Variants in MYPN observed in about 807,000 individuals in gnomAD.
The protein encoded by MYPN is sarcomeric protein myopalladin, 145 kDa (MYOP).
In MYPN, 63 loss-of-function variants were observed where a neutral mutation model predicts 129.4. The observed-to-expected ratio is 0.49, with a 90% CI of 0.40 to 0.60. The LOEUF is 0.60. Among genes scored for constraint, MYPN ranks in the 20% least tolerant of loss-of-function variants. The probability of loss-of-function intolerance (pLI) is 0.00; values close to 1 mark genes in which losing one functional copy is unlikely to be tolerated. For synonymous variants in MYPN, 629 were observed against 600.9 expected (o/e 1.05, Z -0.68); for missense variants, 1,596 against 1,635.4 (o/e 0.98, Z 0.42).
At position 68,194,378 on chromosome 10, in the gene MYPN, G is replaced by T; in HGVS notation, c.2941G>T (p.Asp981Tyr). ...TTCATTTCAGGTTTACTGGTTCAAAGATGGGAAGCAGATTTCTAAGAGAAA... is the reference window on the plus strand; with the variant it reads ...TTCATTTCAGGTTTACTGGTTCAAATATGGGAAGCAGATTTCTAAGAGAAA... ...IPVPKVYWFK[D>Y]GKQISKRNEH... Residue 981 changes from aspartate (D) to tyrosine (Y), a missense_variant, in exon 14 of 20, where the codon GAT becomes TAT. By Grantham distance (160) the Asp-to-Tyr change is radical. Coordinates refer to ENST00000358913, the MANE Select transcript of MYPN (RefSeq NM_032578.4). 1 of 1,613,536 alleles carries T rather than the reference G, an allele frequency of 6.2e-7. No homozygotes were observed. The highest frequency in any genetic ancestry group is 8.5e-7 in the Non-Finnish European group (1 of 1,179,650).
At chr10:68,205,711 C>T (rs895616354) in intron 18 of MYPN, among the ~76,000 whole-genome samples, 1 of 151,820 alleles carries the variant, frequency 6.6e-6, no homozygotes, top group African/African-American at 2.4e-5. Context: ...GAATTTTTGT[C>T]CTGTTCATCT....
At position 68,201,883 on chromosome 10, in the gene MYPN, T is replaced by C. The variant is rs878855166; in HGVS notation, c.3548T>C (p.Val1183Ala). ...CTGGAGAAACTACAGAACTGCGGTG[T>C]TCCCGAAGGCCACCCCGTGAGACTG... ...VILEKLQNCGVPEGHPVRLEC... is the reference protein window; with the variant it reads ...VILEKLQNCGAPEGHPVRLEC... The change falls in exon 18 of 20, where the codon GTT (valine) becomes GCT (alanine). Residue 1183 changes from valine to alanine, a missense_variant. By Grantham distance (64) the Val-to-Ala change is moderately conservative. Coordinates refer to ENST00000358913, the MANE Select transcript of MYPN (RefSeq NM_032578.4). 7 of 1,614,042 alleles carry C rather than the reference T, an allele frequency of 4.3e-6. No homozygotes were observed. Among genetic ancestry groups the C allele is most frequent in the Non-Finnish European group, 5.9e-6 (7 of 1,180,014 alleles).
chr10:68,135,384 C>A, intron 2 of MYPN: 1 of 666,090 alleles, frequency 1.5e-6, no homozygotes, highest in Non-Finnish European at 1.9e-6. Context: ...ACAGGACATA[C>A]AAATTGTGTC....
At chr10:68,104,975 G>C (rs1589514039), upstream of MYPN, among the ~76,000 whole-genome samples, 1 of 152,148 alleles carries the variant, frequency 6.6e-6, no homozygotes, top group African/African-American at 2.4e-5. Flanking sequence ...ATAGAGACAG[G>C]GTTTCACCAT....
rs756701622 is a variant in MYPN, at chr10:68,188,887, C to G, written c.2704-18C>G. 1.2e-6 allele frequency: 2 copies of G among 1,605,748 alleles called. No homozygotes were observed. The highest frequency in any genetic ancestry group is 1.3e-5 in the African/African-American group (1 of 74,768). On this transcript the variant is annotated intron_variant, in intron 12 of 19. Coordinates refer to ENST00000358913, the MANE Select transcript of MYPN (RefSeq NM_032578.4). Reference sequence around the variant, plus strand: ...TCCTTGCCATATGGAAATTGAAACACGTTTGTCATTTTGACAGGAGTACAA... The same window carrying G: ...TCCTTGCCATATGGAAATTGAAACAGGTTTGTCATTTTGACAGGAGTACAA...
intron 13 of MYPN, among the ~76,000 whole-genome samples, chr10:68,191,613 T>C (rs1419144371): frequency 6.6e-6 from 1 of 152,218 alleles, no homozygotes; most frequent in Non-Finnish European, 1.5e-5. Flanking sequence ...ATTTTAACAA[T>C]GTTAATTCTT....
At chr10:68,152,412 A>G (rs1395878224) in intron 6 of MYPN, among the ~76,000 whole-genome samples, 1 of 152,026 alleles carries the variant, frequency 6.6e-6, no homozygotes, top group African/African-American at 2.4e-5. Flanking sequence ...GGGAGGGTGC[A>G]GAGCGGGTGT....
chr10:68,125,149 A>G lies in MYPN; in HGVS notation c.902+2809A>G, dbSNP rs117757236. On this transcript the variant is annotated intron_variant, in intron 2 of 19. Coordinates refer to ENST00000358913, the MANE Select transcript of MYPN (RefSeq NM_032578.4). ...AATGCACCACTAAGAAATGTCAATT[A>G]GGAAGACATTCCCCACAAAGCAAAG... 7.9e-4 allele frequency among the ~76,000 whole-genome samples: 121 copies of G among 152,376 alleles called. 1 individual carries two copies. Among genetic ancestry groups the G allele is most frequent in the Non-Finnish European group, 1.2e-3 (83 of 68,036 alleles).
intron 12 of MYPN, among the ~76,000 whole-genome samples, chr10:68,182,834 T>C (rs1351988724): frequency 6.6e-6 from 1 of 152,132 alleles, no homozygotes; most frequent in Non-Finnish European, 1.5e-5. Context: ...TAAAAACTCA[T>C]TGAGTTCTCT....
At chr10:68,158,273 A>G in intron 6 of MYPN, 1 of 559,774 alleles carries the variant, frequency 1.8e-6, no homozygotes, top group Non-Finnish European at 3.2e-6. Context: ...TCAAGGGCAT[A>G]GGAGTAGCCA....
At chr10:68,095,427 A>G (rs1162665370) in intron 1 of MYPN, among the ~76,000 whole-genome samples, 2 of 152,042 alleles carry the variant, frequency 1.3e-5, no homozygotes, top group Non-Finnish European at 2.9e-5. Flanking sequence ...TTGCAGAAGC[A>G]TCCTGTGCAC....
rs878855165 is a variant in MYPN at position 68,195,520 on chromosome 10, G to A, written c.3146G>A (p.Gly1049Asp). 6.2e-6 allele frequency: 10 copies of A among 1,613,946 alleles called. No homozygotes were observed. Among genetic ancestry groups the A allele is most frequent in the Non-Finnish European group, 7.6e-6 (9 of 1,179,868 alleles). The change falls in exon 15 of 20, where the codon GGT becomes GAT. Residue 1049 changes from glycine (G) to aspartate (D), a missense_variant. Transcript: ENST00000358913. ...ATTCGCAGTCGGCTAACCTCTGCTG[G>A]TCAGTCTCACAGGTAAAGACAGTAA... ...LPIRSRLTSA[G>D]QSHRGRSRVQ...
Position 68,142,950 on chromosome 10 carries a change from G to A in MYPN, c.913G>A (p.Glu305Lys). ...IPPPQVRWYC[E>K]GKELENSPDI... is the part of the protein sequence containing the mutation. ...TCCTTTTCCCTGCAGGTGGTACTGT[G>A]AAGGCAAGGAGCTTGAAAATTCCCC... Residue 305 changes from glutamate to lysine, a missense_variant, in exon 3 of 20, where the codon GAA becomes AAA. Coordinates refer to ENST00000358913, the MANE Select transcript of MYPN (RefSeq NM_032578.4). 6.2e-7 allele frequency: 1 copy of A among 1,614,132 alleles called. No homozygotes were observed. The highest frequency in any genetic ancestry group is 8.5e-7 in the Non-Finnish European group (1 of 1,180,008).
intron 6 of MYPN, among the ~76,000 whole-genome samples, chr10:68,157,648 A>G (rs1327650498): frequency 7.0e-6 from 1 of 143,642 alleles, no homozygotes; most frequent in Non-Finnish European, 1.5e-5. Flanking sequence ...AGATTGGGCA[A>G]CATGGCAAAA....
chr10:68,165,298 A>G (rs1024444830), intron 8 of MYPN, among the ~76,000 whole-genome samples: 4 of 152,218 alleles, frequency 2.6e-5, no homozygotes, highest in African/African-American at 9.6e-5. Flanking sequence ...CTAAAAATAC[A>G]AAAATTAGCC....
chr10:68,144,902 G>A (rs944885407), intron 3 of MYPN, among the ~76,000 whole-genome samples: 3 of 152,090 alleles, frequency 2.0e-5, no homozygotes, highest in African/African-American at 7.2e-5. Flanking sequence ...TTAGAAGTTG[G>A]GTCAGTTAAT....
intron 1 of MYPN, among the ~76,000 whole-genome samples, chr10:68,116,906 C>G (rs2042165579): frequency 2.0e-5 from 3 of 151,894 alleles, no homozygotes; most frequent in Admixed American, 6.6e-5. Context: ...TTTATCTGTC[C>G]TATTTTATCC....
chr10:68,197,446 C>G lies in MYPN; in HGVS notation c.3253C>G (p.His1085Asp). Residue 1085 changes from histidine (H) to aspartate (D), a missense_variant, in exon 16 of 20, where the codon CAT becomes GAT. Physicochemically the swap from His to Asp is moderately conservative, Grantham distance 81. Coordinates refer to ENST00000358913, the MANE Select transcript of MYPN (RefSeq NM_032578.4). ...FLQAPGDMVA[H>D]EGRLCRLDCK... is the part of the protein sequence containing the mutation. ...GCAGGCTCCTGGGGATATGGTAGCT[C>G]ATGAGGGGCGCCTCTGTCGGCTGGA... 6.2e-7 allele frequency: 1 copy of G among 1,613,970 alleles called. No homozygotes were observed. Among genetic ancestry groups the G allele is most frequent in the Non-Finnish European group, 8.5e-7 (1 of 1,179,930 alleles).
rs1032484774 is a variant in MYPN at position 68,211,842 on chromosome 10, T to G, written c.*1387T>G. ...CTCTAGGCTGTGCAGGGAAATGAAT[T>G]GCAGGTGTCTGTTTTCAATTCCCTG... On this transcript the variant is annotated 3_prime_UTR_variant, in exon 20 of 20. Transcript: ENST00000358913. The G allele has an allele frequency of 2.2e-6, 1 of 453,696 alleles. No homozygotes were observed. The highest frequency in any genetic ancestry group is 1.6e-5 in the South Asian group (1 of 64,350). 28.1% of individuals were successfully genotyped at this position (453,696 alleles called of 1,614,324 possible).
Sources: gnomAD v4.1 joint callset for allele counts (sites outside exome capture counted in the v4.1 genomes callset) on GRCh38, gnomAD v4.1.1 for gene constraint, MANE v1.5 for transcripts, NCBI Gene and HGNC (gene_info 2026-07-23, HGNC 2026-07-21) for gene names.